The following GP2 variants were observed in gnomAD, a reference collection of about 807,000 sequenced individuals.
GP2 encodes pancreatic secretory granule membrane major glycoprotein GP2.
GP2 carries 58 observed loss-of-function variants against 60.8 expected under a neutral mutation model. The observed-to-expected ratio is 0.95, with a 90% confidence interval of 0.77 to 1.19. The LOEUF (loss-of-function observed/expected upper bound fraction) is 1.19, where lower values mean the gene tolerates loss of function less well. GP2 is among the 50% of genes most tolerant of loss of function. GP2 has a pLI of 0.00. For synonymous variants in GP2, 280 were observed against 253.4 expected (o/e 1.10, Z -1.00); for missense variants, 647 against 667.4 (o/e 0.97, Z 0.34).
Position 20,315,948 on chromosome 16 carries a change from C to T in GP2, c.1501+8G>A, listed in dbSNP as rs1964152130. The T allele has an allele frequency of 3.8e-6, 6 of 1,587,330 alleles. No homozygotes were observed. Among genetic ancestry groups the T allele is most frequent in the Admixed American group, 1.7e-5 (1 of 59,952 alleles). ...AGCTGGTCTTGTCACTGGGATTTGGCCACTTACCTCTCCGAGTGATGGGCC... is the reference window on the plus strand; with the variant it reads ...AGCTGGTCTTGTCACTGGGATTTGGTCACTTACCTCTCCGAGTGATGGGCC... On this transcript the variant is annotated splice_region_variant and intron_variant, in intron 9 of 10. Coordinates refer to ENST00000302555, the MANE Select transcript of GP2 (RefSeq NM_001502.4).
chr16:20,318,262 G>A lies in GP2; in HGVS notation c.1176C>T (p.Asn392=), dbSNP rs1204727409. The change falls in exon 7 of 11, where the codon AAC becomes AAT. Residue 392 remains asparagine, a synonymous_variant. Coordinates refer to ENST00000302555, the MANE Select transcript of GP2 (RefSeq NM_001502.4). ...TGGCATAGCAGTTCCTCAACACCAG[G>A]TTAAACCGGGAGGTGTCCCCTTGTT... The part of the protein sequence containing the change: ...ILEQGDTSRF[N]LVLRNCYATP... The A allele has an allele frequency of 3.1e-6, 5 of 1,612,714 alleles. No individual in the cohort carries two copies. The highest frequency in any genetic ancestry group is 4.2e-6 in the Non-Finnish European group (5 of 1,178,836).
At chr16:20,326,824 C>G (rs1450287391) in intron 1 of GP2, 1 of 190,180 alleles carries the variant, frequency 5.3e-6, no homozygotes, top group Admixed American at 5.3e-5. Flanking sequence ...TAAGAGCCCC[C>G]TGAAATGTCC....
chr16:20,315,004 C>T (rs1032707511), intron 9 of GP2, among the ~76,000 whole-genome samples: 3 of 152,144 alleles, frequency 2.0e-5, no homozygotes, highest in Admixed American at 1.3e-4. Context: ...CAGTCAGTAG[C>T]AGAGCTGGGA....
At chr16:20,321,299 C>T (rs1233512859) in intron 4 of GP2, among the ~76,000 whole-genome samples, 3 of 152,064 alleles carry the variant, frequency 2.0e-5, no homozygotes, top group Admixed American at 6.5e-5. Flanking sequence ...TGACCTCAAG[C>T]GATCTGCCGG....
intron 7 of GP2, 95 bp from the exon 8 acceptor site, chr16:20,317,470 A>G: frequency 1.1e-6 from 1 of 900,748 alleles, no homozygotes; most frequent in Admixed American, 2.3e-5. Flanking sequence ...GATAACGTGG[A>G]CTTTTTCTGT....
At chr16:20,319,899 G>T (rs1185795789) in intron 5 of GP2, 131 bp from the exon 6 acceptor site, 4 of 735,174 alleles carry the variant, frequency 5.4e-6, no homozygotes, top group East Asian at 2.5e-5. Flanking sequence ...GCTCATGGAG[G>T]TCAAGGGACC....
chr16:20,312,861 G>T (rs988812989), intron 10 of GP2, among the ~76,000 whole-genome samples: 5 of 152,040 alleles, frequency 3.3e-5, no homozygotes, highest in African/African-American at 1.2e-4. Context: ...TGTTGGTCAG[G>T]CTGGTCTCGA....
chr16:20,322,693 C>A (rs1045433004), intron 4 of GP2, among the ~76,000 whole-genome samples, 176 bp downstream of exon 4: 5 of 152,206 alleles, frequency 3.3e-5, no homozygotes, highest in Admixed American at 2.6e-4. Context: ...CAACCCTGCC[C>A]TCCTATCCTT....
Position 20,317,238 on chromosome 16 carries a change from TCA to T in GP2, c.1389_1390del (p.Cys463Ter), listed in dbSNP as rs764815117. Reference sequence around the variant, plus strand: ...AGGCTGGCACTGTTCATTAAGAGAATCACAGAGATGAATCTCACAATGCAGGA... The same window carrying T: ...AGGCTGGCACTGTTCATTAAGAGAATCAGAGATGAATCTCACAATGCAGGA... On this transcript the variant is annotated stop_gained and frameshift_variant, in exon 8 of 11. Transcript: ENST00000302555. LOFTEE classifies it high-confidence loss of function. 2 of 1,613,410 alleles carry T rather than the reference TCA, an allele frequency of 1.2e-6. No individual in the cohort carries two copies. Among genetic ancestry groups the T allele is most frequent in the South Asian group, 1.1e-5 (1 of 91,014 alleles).
At position 20,318,392 on chromosome 16, in the gene GP2, A is replaced by G. The variant is rs1443290029; in HGVS notation, c.1046T>C (p.Ile349Thr). The change falls in exon 7 of 11, where the codon ATT becomes ACT. Residue 349 changes from isoleucine (I) to threonine (T), a missense_variant. Transcript: ENST00000302555. The stretch of plus-strand genomic sequence containing the variant: ...GTCTTGGAAGAGGGCCATCCTGACA[A>G]TGAACTCTCCATTCCCGTCCACACT... ...NVSVDGNGEF[I>T]VRMALFQDQN... 1.9e-6 allele frequency: 3 copies of G among 1,613,152 alleles called. No homozygotes were observed. In the Admixed American group the frequency reaches 5.0e-5, roughly 27 times the overall value.
chr16:20,323,770 A>G (rs1399580549), intron 3 of GP2, 46 bp downstream of exon 3: 2 of 1,282,368 alleles, frequency 1.6e-6, no homozygotes, highest in Non-Finnish European at 2.2e-6. Context: ...CCTGGGAGGC[A>G]TCTCATTGGC....
At chr16:20,323,464 A>G in intron 3 of GP2, 1 of 691,880 alleles carries the variant, frequency 1.4e-6, no homozygotes, top group South Asian at 1.5e-5. Flanking sequence ...AGCATTATGT[A>G]TTAGCTGTTA....
At chr16:20,321,183 G>A (rs1964347060) in intron 4 of GP2, among the ~76,000 whole-genome samples, 1 of 148,922 alleles carries the variant, frequency 6.7e-6, no homozygotes, top group African/African-American at 2.6e-5. Flanking sequence ...CCCAAGGCTG[G>A]GATTACAGGC....
chr16:20,320,485 A>G lies in GP2; in HGVS notation c.647-12T>C, dbSNP rs1445553046. The G allele has an allele frequency of 2.5e-6, 4 of 1,585,890 alleles. No individual in the cohort carries two copies. In the South Asian group the frequency reaches 4.4e-5, roughly 18 times the overall value. On this transcript the variant is annotated splice_polypyrimidine_tract_variant and intron_variant, in intron 4 of 10. Transcript: ENST00000302555. ...CAAACTGTGGACATCTGCAAAGCAG[A>G]GATGAAGGCAAGTAGAATGGACATG... is the stretch of plus-strand genomic sequence containing the variant.
At chr16:20,317,489 TTCC>T in intron 7 of GP2, 114 bp from the exon 8 acceptor site, 1 of 752,476 alleles carries the variant, frequency 1.3e-6, no homozygotes, top group South Asian at 1.8e-5. Flanking sequence ...GTTCCTCTGT[TTCC>T]TCCAAGATGT....
chr16:20,313,138 G>C (rs1047457532), intron 10 of GP2, among the ~76,000 whole-genome samples: 1 of 152,132 alleles, frequency 6.6e-6, no homozygotes, highest in Non-Finnish European at 1.5e-5. Context: ...ACCAATATAA[G>C]TCATTTTGTG....
chr16:20,316,620 A>G (rs1425600583), intron 8 of GP2, among the ~76,000 whole-genome samples: 1 of 152,214 alleles, frequency 6.6e-6, no homozygotes, highest in Non-Finnish European at 1.5e-5. Context: ...TGCAAGCACT[A>G]AAAAAGTCAT....
At chr16:20,314,579 G>A in intron 10 of GP2, 78 bp downstream of exon 10, 1 of 969,452 alleles carries the variant, frequency 1.0e-6, no homozygotes, top group Admixed American at 1.7e-5. Context: ...CATAGGGTCT[G>A]GGCCATAAAA....
chr16:20,320,369 C>A lies in GP2; in HGVS notation c.751G>T (p.Ala251Ser). 1.2e-6 allele frequency: 2 copies of A among 1,613,592 alleles called. No individual in the cohort carries two copies. Among genetic ancestry groups the A allele is most frequent in the South Asian group, 2.2e-5 (2 of 91,056 alleles). ...CTGCAGTTTGGGTCTCGCAGGTAGG[C>A]AATGACCTCCTCCCCCAAACCCAGG... ...GGLGLGEEVI[A>S]YLRDPNCSSI... Residue 251 changes from alanine to serine, a missense_variant, in exon 5 of 11, where the codon GCC (alanine) becomes TCC (serine). Ala to Ser is a moderately conservative substitution (Grantham distance 99). Transcript: ENST00000302555.
Sources: gnomAD v4.1 joint callset for allele counts (sites outside exome capture counted in the v4.1 genomes callset) on GRCh38, gnomAD v4.1.1 for gene constraint, MANE v1.5 for transcripts, NCBI Gene and HGNC (gene_info 2026-07-23, HGNC 2026-07-21) for gene names.